Variants in TLCD4 observed in about 807,000 individuals in gnomAD.
TLCD4 encodes the protein TLC domain containing 4, also known as TLC domain-containing protein 4.
Under a neutral mutation model 24.2 loss-of-function variants are expected in TLCD4, and 7 were observed. That is an observed-to-expected ratio of 0.29 (90% CI 0.16 to 0.54). The LOEUF (loss-of-function observed/expected upper bound fraction) is 0.54, where lower values mean the gene tolerates loss of function less well. Among genes scored for constraint, TLCD4 ranks in the 20% least tolerant of loss-of-function variants. TLCD4 has a pLI of 0.95. For synonymous variants in TLCD4, 103 were observed against 106.4 expected (o/e 0.97, Z 0.20); for missense variants, 259 against 313.9 (o/e 0.82, Z 1.32).
chr1:95,138,529 C>A (rs75681422), intron 1 of TLCD4: 3,878 of 152,194 alleles, frequency 0.025, 65 homozygotes, highest in Non-Finnish European at 0.039. Flanking sequence ...GCACTTAACA[C>A]AAACCTAGAT....
chr1:95,177,519 T>C (rs181259629), intron 6 of TLCD4, among the ~76,000 whole-genome samples: 2 of 152,308 alleles, frequency 1.3e-5, no homozygotes, highest in Admixed American at 1.3e-4. Context: ...CCTAGTTCTG[T>C]GTGCCTAGGG....
chr1:95,097,046 C>A, the TLCD4 span, among the ~76,000 whole-genome samples: 1 of 151,904 alleles, frequency 6.6e-6, no homozygotes, highest in African/African-American at 2.4e-5. Flanking sequence ...CAACTCCTTC[C>A]ACATCTCCAA....
In TLCD4 at chr1:95,181,331, T is replaced by G. The variant is rs1480903645; in HGVS notation, c.473+7442T>G. Among the ~76,000 whole-genome samples the G allele has an allele frequency of 2.0e-5, 3 of 152,194 alleles. No individual in the cohort carries two copies. In the East Asian group the frequency reaches 5.8e-4, roughly 29 times the overall value. On this transcript the variant is annotated intron_variant, in intron 6 of 6. Coordinates refer to ENST00000370203, the MANE Select transcript of TLCD4 (RefSeq NM_152487.3). ...TTTCAGTCTGTTGTGATAAGTAGTG[T>G]TTGAAGCATATGAAAAATATCTAGC...
chr1:95,135,543 G>A (rs527325054), intron 1 of TLCD4, among the ~76,000 whole-genome samples: 3 of 151,768 alleles, frequency 2.0e-5, no homozygotes, highest in African/African-American at 2.4e-5. Flanking sequence ...GACAACAGCC[G>A]CATACCACCA....
rs569256398 is a variant in TLCD4 at position 95,118,596 on chromosome 1, G to T, written c.-12+979G>T. 1.6e-4 allele frequency among the ~76,000 whole-genome samples: 25 copies of T among 152,254 alleles called. No homozygotes were observed. In the South Asian group the frequency reaches 5.0e-3, roughly 30 times the overall value. ...AAAAAAGATTTAATAAAATCTTTAC[G>T]CAGTCATAAATGGAGTTGAGAAAAA... On this transcript the variant is annotated intron_variant, in intron 1 of 6. Coordinates refer to ENST00000370203, the MANE Select transcript of TLCD4 (RefSeq NM_152487.3).
At chr1:95,102,757 CA>C in the TLCD4 span, among the ~76,000 whole-genome samples, 58 of 152,066 alleles carry the variant, frequency 3.8e-4, no homozygotes, top group African/African-American at 1.4e-3. Context: ...AGGTTAATTG[CA>C]AAATTTAGAG....
At chr1:95,093,739 C>T in the TLCD4 span, among the ~76,000 whole-genome samples, 21 of 152,326 alleles carry the variant, frequency 1.4e-4, no homozygotes, top group Non-Finnish European at 2.2e-4. Context: ...CCAGGATTCT[C>T]TTCTATGTTC....
the TLCD4 span, among the ~76,000 whole-genome samples, chr1:95,111,759 G>C: frequency 6.6e-6 from 1 of 152,220 alleles, no homozygotes; most frequent in Non-Finnish European, 1.5e-5. Context: ...GGTTCACTAG[G>C]CTCTTGGACC....
At chr1:95,134,708 A>G (rs1557680369) in intron 1 of TLCD4, among the ~76,000 whole-genome samples, 1 of 152,172 alleles carries the variant, frequency 6.6e-6, no homozygotes, top group Non-Finnish European at 1.5e-5. Context: ...GCCTGATGAA[A>G]ACAGGCATGA....
chr1:95,097,747 T>C, the TLCD4 span, among the ~76,000 whole-genome samples: 1 of 145,318 alleles, frequency 6.9e-6, no homozygotes, highest in Non-Finnish European at 1.5e-5. Flanking sequence ...TTATATATGT[T>C]CCACTTAATA....
chr1:95,134,532 A>G (rs973854953), intron 1 of TLCD4, among the ~76,000 whole-genome samples: 12 of 152,184 alleles, frequency 7.9e-5, no homozygotes, highest in Admixed American at 1.3e-4. Context: ...GGCCAAGGAT[A>G]TGACACTACT....
rs572787119 is a variant in TLCD4, at chr1:95,196,657, A to C, written c.*4789A>C. 8 of 152,316 alleles carry C rather than the reference A, an allele frequency of 5.3e-5. No individual in the cohort carries two copies. In the South Asian group the frequency reaches 1.7e-3, roughly 32 times the overall value. 9.4% of individuals were successfully genotyped at this position (152,316 alleles called of 1,614,324 possible). ...ATCAGGCCCTATACATAAGACCAAAACCAGAAATATTTCTAAATCTCAAAG... is the reference window on the plus strand; with the variant it reads ...ATCAGGCCCTATACATAAGACCAAACCCAGAAATATTTCTAAATCTCAAAG... On this transcript the variant is annotated 3_prime_UTR_variant, in exon 7 of 7. Coordinates refer to ENST00000370203, the MANE Select transcript of TLCD4 (RefSeq NM_152487.3).
intron 6 of TLCD4, among the ~76,000 whole-genome samples, chr1:95,174,360 T>A (rs1193808018): frequency 6.6e-6 from 1 of 152,084 alleles, no homozygotes; most frequent in Non-Finnish European, 1.5e-5. Context: ...ATAATCTTTT[T>A]ATTTTTTAAA....
chr1:95,191,359 G>A (rs911605055), intron 6 of TLCD4, among the ~76,000 whole-genome samples, 191 bp from the exon 7 acceptor site: 14 of 152,194 alleles, frequency 9.2e-5, no homozygotes, highest in African/African-American at 3.4e-4. Context: ...CTTGATTACT[G>A]TCGCTTTATA....
intron 5 of TLCD4, among the ~76,000 whole-genome samples, chr1:95,166,770 C>T (rs1476538178): frequency 6.6e-6 from 1 of 152,142 alleles, no homozygotes; most frequent in East Asian, 1.9e-4. Context: ...CACTCTGTCA[C>T]CCACGCTGGA....
intron 6 of TLCD4, among the ~76,000 whole-genome samples, chr1:95,174,531 AAAG>A (rs144663242): frequency 0.31 from 44,901 of 144,422 alleles, 8,546 homozygotes; most frequent in East Asian, 0.6. Context: ...AAAAAAGAAA[AAAG>A]AAAATTAGCT....
At chr1:95,158,291 G>T (rs112732398) in intron 5 of TLCD4, among the ~76,000 whole-genome samples, 1 of 150,008 alleles carries the variant, frequency 6.7e-6, no homozygotes, top group Non-Finnish European at 1.5e-5. Flanking sequence ...AGGGCCAAGC[G>T]ATCTGCCTGC....
chr1:95,159,286 GT>G (rs1557688027), intron 5 of TLCD4, among the ~76,000 whole-genome samples: 3 of 152,166 alleles, frequency 2.0e-5, no homozygotes, highest in African/African-American at 7.2e-5. Context: ...TCACGTGTCT[GT>G]TGGCTGCATA....
At chr1:95,121,152 A>G (rs1428780663) in intron 1 of TLCD4, 1 of 152,258 alleles carries the variant, frequency 6.6e-6, no homozygotes, top group African/African-American at 2.4e-5. Flanking sequence ...GGCTTTAAGG[A>G]AAAGGAAACG....
Sources: gnomAD v4.1 joint callset for allele counts (sites outside exome capture counted in the v4.1 genomes callset) on GRCh38, gnomAD v4.1.1 for gene constraint, MANE v1.5 for transcripts, NCBI Gene and HGNC (gene_info 2026-07-23, HGNC 2026-07-21) for gene names.